TMEM144: variants seen among roughly 807,000 people sequenced by gnomAD.
TMEM144 encodes transmembrane protein 144.
TMEM144 carries 39 observed loss-of-function variants against 43.6 expected under a neutral mutation model. That is an observed-to-expected ratio of 0.90 (90% confidence interval 0.69 to 1.17). The LOEUF is 1.17. Ranked by LOEUF, TMEM144 falls within the 50% of genes most tolerant of loss-of-function variation. TMEM144 has a pLI of 0.00. For missense variants in TMEM144, 417 were observed against 411.9 expected (o/e 1.01, Z -0.11); for synonymous variants, 154 against 133.6 (o/e 1.15, Z -1.06).
At chr4:158,247,079 A>G (rs1367850064) in intron 12 of TMEM144, among the ~76,000 whole-genome samples, 2 of 151,936 alleles carry the variant, frequency 1.3e-5, no homozygotes, top group Non-Finnish European at 2.9e-5. Context: ...ACTATGACCC[A>G]ATAGGGTTTA....
At chr4:158,238,718 C>T (rs977968572) in intron 9 of TMEM144, among the ~76,000 whole-genome samples, 1 of 152,062 alleles carries the variant, frequency 6.6e-6, no homozygotes, top group African/African-American at 2.4e-5. Context: ...CTTGTAGGCA[C>T]AAGGGAAATC....
chr4:158,247,528 C>T lies in TMEM144; in HGVS notation c.954+3179C>T, dbSNP rs369066197. ...AAGAATCAGCTGAAAAATTTAACAT[C>T]CAATAAGATCATTTAGTAAGGCTTG... On this transcript the variant is annotated intron_variant, in intron 12 of 12. Transcript: ENST00000296529. 4.2e-3 allele frequency among the ~76,000 whole-genome samples: 638 copies of T among 151,796 alleles called. 14 individuals carry two copies. Among genetic ancestry groups the T allele is most frequent in the Middle Eastern group, 0.031 (9 of 292 alleles).
intron 7 of TMEM144, chr4:158,233,636 C>T (rs1300152258): frequency 2.0e-5 from 3 of 152,498 alleles, no homozygotes; most frequent in Non-Finnish European, 4.4e-5. Flanking sequence ...CAAGAAATCT[C>T]TCCTGTCTGC....
At chr4:158,217,970 A>T (rs1453222465) in intron 5 of TMEM144, among the ~76,000 whole-genome samples, 1 of 152,066 alleles carries the variant, frequency 6.6e-6, no homozygotes. Flanking sequence ...CCATTTAAGG[A>T]TTGTCTATGG....
intron 12 of TMEM144, among the ~76,000 whole-genome samples, chr4:158,249,001 G>T (rs778034971): frequency 6.6e-6 from 1 of 152,092 alleles, no homozygotes; most frequent in Non-Finnish European, 1.5e-5. Context: ...CCACCTCCTG[G>T]GTTCAAGCGA....
At position 158,254,424 on chromosome 4, in the gene TMEM144, C is replaced by T. The variant is rs1292615433; in HGVS notation, c.*897C>T. On this transcript the variant is annotated 3_prime_UTR_variant, in exon 13 of 13. Coordinates refer to ENST00000296529, the MANE Select transcript of TMEM144 (RefSeq NM_018342.5). ...GTTTCCAGTAGGCAAAATAAAATGA[C>T]AGGCATGCTAGTTTTTTTTTTTTTT... 6.9e-6 allele frequency: 1 copy of T among 145,734 alleles called. No homozygotes were observed. The highest frequency in any genetic ancestry group is 2.5e-5 in the African/African-American group (1 of 39,564). The allele number at this position is 145,734 out of a possible 1,614,324, so 9.0% of individuals were successfully genotyped here.
At chr4:158,214,305 G>A (rs1476950205) in intron 3 of TMEM144, among the ~76,000 whole-genome samples, 1 of 152,154 alleles carries the variant, frequency 6.6e-6, no homozygotes, top group Non-Finnish European at 1.5e-5. Context: ...TAGGATTACA[G>A]GCCTAAGCCA....
At position 158,254,431 on chromosome 4, in the gene TMEM144, G is replaced by A. The variant is rs1027843163; in HGVS notation, c.*904G>A. The A allele has an allele frequency of 2.3e-5, 3 of 131,300 alleles. No homozygotes were observed. Among genetic ancestry groups the A allele is most frequent in the Admixed American group, 1.8e-4 (2 of 11,022 alleles). The allele number at this position is 131,300 out of a possible 1,614,324, so 8.1% of individuals were successfully genotyped here. On this transcript the variant is annotated 3_prime_UTR_variant, in exon 13 of 13. Coordinates refer to ENST00000296529, the MANE Select transcript of TMEM144 (RefSeq NM_018342.5). ...GTAGGCAAAATAAAATGACAGGCAT[G>A]CTAGTTTTTTTTTTTTTTTTTTTTT...
intron 12 of TMEM144, among the ~76,000 whole-genome samples, chr4:158,251,447 A>G (rs575638558): frequency 6.6e-6 from 1 of 152,348 alleles, no homozygotes; most frequent in Admixed American, 6.5e-5. Context: ...CAGGAATAAT[A>G]CAGGGTGGTC....
chr4:158,215,121 A>G (rs1734153167), intron 3 of TMEM144, 70 bp from the exon 4 acceptor site: 1 of 1,595,350 alleles, frequency 6.3e-7, no homozygotes, highest in East Asian at 2.2e-5. Context: ...ATATCACCTC[A>G]TAGATATTCC....
At position 158,250,195 on chromosome 4, in the gene TMEM144, C is replaced by CATATATATATATAT. The variant is rs5863314; in HGVS notation, c.955-3227_955-3214dup. ...TTTGATTTTGTTAATTAATACATAA[C>CATATATATATATAT]ATATATATATATATATATATATATA... On this transcript the variant is annotated intron_variant, in intron 12 of 12. Transcript: ENST00000296529. 2.6e-3 allele frequency among the ~76,000 whole-genome samples: 358 copies of CATATATATATATAT among 135,404 alleles called. 5 individuals are homozygous for CATATATATATATAT. Among genetic ancestry groups the CATATATATATATAT allele is most frequent in the Middle Eastern group, 0.012 (3 of 260 alleles). The allele number at this position is 135,404 out of a possible 152,430, so 88.8% of individuals were successfully genotyped here. A position where few individuals can be genotyped will look rare whatever the true frequency, so the allele number is the denominator to read the frequency against.
At chr4:158,242,790 G>C (rs1320774351) in intron 11 of TMEM144, among the ~76,000 whole-genome samples, 1 of 152,158 alleles carries the variant, frequency 6.6e-6, no homozygotes, top group East Asian at 1.9e-4. Flanking sequence ...AGTTCACTTT[G>C]TTTTCAAAGG....
At chr4:158,252,348 C>T (rs1394218983) in intron 12 of TMEM144, among the ~76,000 whole-genome samples, 1 of 152,090 alleles carries the variant, frequency 6.6e-6, no homozygotes, top group Non-Finnish European at 1.5e-5. Flanking sequence ...CCTTCAGATC[C>T]ATCTCCATCT....
chr4:158,247,656 T>C (rs1323553466), intron 12 of TMEM144, among the ~76,000 whole-genome samples: 4 of 152,062 alleles, frequency 2.6e-5, no homozygotes, highest in Non-Finnish European at 5.9e-5. Flanking sequence ...AAAAATTACA[T>C]AAAATCTAAT....
rs769061196 is a variant in TMEM144 at position 158,224,980 on chromosome 4, T to A, written c.413+5590T>A. ...AGAGCAAGGTGGCAGGGTCAGGGTG[T>A]TGTAAACTTCAATGGTTATGCAGGG... On this transcript the variant is annotated intron_variant, in intron 6 of 12. Coordinates refer to ENST00000296529, the MANE Select transcript of TMEM144 (RefSeq NM_018342.5). Among the ~76,000 whole-genome samples, 31 of 152,188 alleles carry A rather than the reference T, an allele frequency of 2.0e-4. 2 individuals carry two copies. Among genetic ancestry groups the A allele is most frequent in the Non-Finnish European group, 4.3e-4 (29 of 68,022 alleles).
Position 158,237,657 on chromosome 4 carries a change from G to A in TMEM144, c.682+14G>A, listed in dbSNP as rs752565802. The A allele has an allele frequency of 2.0e-6, 3 of 1,524,014 alleles. No homozygotes were observed. Among genetic ancestry groups the A allele is most frequent in the Non-Finnish European group, 2.7e-6 (3 of 1,106,214 alleles). The allele number at this position is 1,524,014 out of a possible 1,614,324, so 94.4% of individuals were successfully genotyped here. On this transcript the variant is annotated intron_variant, in intron 9 of 12. Transcript: ENST00000296529. Reference sequence around the variant, plus strand: ...CAAGCCAATATGGTGAGAATAAAAAGTTATCTTACTTTATTAATATCTACT... The same window carrying A: ...CAAGCCAATATGGTGAGAATAAAAAATTATCTTACTTTATTAATATCTACT...
At chr4:158,226,868 T>G (rs569835276) in intron 6 of TMEM144, among the ~76,000 whole-genome samples, 64 of 152,276 alleles carry the variant, frequency 4.2e-4, no homozygotes, top group Non-Finnish European at 8.8e-4. Context: ...TCTTTTTACA[T>G]AAATCCCGCC....
At chr4:158,249,330 C>T (rs952689223) in intron 12 of TMEM144, among the ~76,000 whole-genome samples, 1 of 152,130 alleles carries the variant, frequency 6.6e-6, no homozygotes, top group African/African-American at 2.4e-5. Context: ...TACAGTAATG[C>T]CAACACAGGC....
intron 11 of TMEM144, 91 bp from the exon 12 acceptor site, chr4:158,244,205 A>G (rs1735765931): frequency 2.2e-6 from 2 of 888,928 alleles, no homozygotes; most frequent in East Asian, 3.3e-5. Context: ...CCCTGAAAAT[A>G]TGTTTATACT....
Sources: allele counts gnomAD v4.1 joint callset (sites outside exome capture counted in the v4.1 genomes callset), GRCh38; gene constraint gnomAD v4.1.1; transcripts MANE v1.5; gene names NCBI Gene and HGNC (gene_info 2026-07-23, HGNC 2026-07-21).